GLI1: variants seen among roughly 807,000 people sequenced by gnomAD.
GLI1 encodes the protein GLI family zinc finger 1.
Under a neutral mutation model 87.8 loss-of-function variants are expected in GLI1, and 51 were observed. That is an observed-to-expected ratio of 0.58 (90% confidence interval 0.46 to 0.73). GLI1 has a LOEUF of 0.73. GLI1 is among the 30% of genes least tolerant of loss of function. The pLI is 0.00. For synonymous variants in GLI1, 528 were observed against 558.2 expected, an observed-to-expected ratio of 0.95 and a Z score of 0.76; for missense variants, 1,292 against 1,437.2, an observed-to-expected ratio of 0.90 and a Z score of 1.63.
chr12:57,464,362 C>T (rs1266056396), intron 3 of GLI1, among the ~76,000 whole-genome samples: 1 of 151,762 alleles, frequency 6.6e-6, no homozygotes, highest in Non-Finnish European at 1.5e-5. Context: ...TCTCTACTAA[C>T]AATACAAAAA....
chr12:57,467,745 C>T (rs1263022326), intron 9 of GLI1, among the ~76,000 whole-genome samples: 1 of 152,178 alleles, frequency 6.6e-6, no homozygotes, highest in African/African-American at 2.4e-5. Context: ...CCTGATCCCT[C>T]CAACCCCTGG....
intron 7 of GLI1, 129 bp from the exon 8 acceptor site, chr12:57,466,111 T>C (rs1200101366): frequency 1.8e-6 from 2 of 1,096,934 alleles, no homozygotes; most frequent in Middle Eastern, 2.1e-4. Context: ...ATGTGAGATA[T>C]GATATTGCTC....
At chr12:57,467,203 C>A in intron 8 of GLI1, 130 bp from the exon 9 acceptor site, 1 of 709,874 alleles carries the variant, frequency 1.4e-6, no homozygotes, top group Non-Finnish European at 2.2e-6. Context: ...TTTGGGAATT[C>A]TCTCGAAGCC....
Position 57,470,533 on chromosome 12 carries a change from G to C in GLI1, c.1793G>C (p.Gly598Ala), listed in dbSNP as rs376908129. The C allele has an allele frequency of 1.9e-5, 30 of 1,613,930 alleles. No individual in the cohort carries two copies. Among genetic ancestry groups the C allele is most frequent in the Admixed American group, 5.0e-5 (3 of 59,994 alleles). The change falls in exon 12 of 12, where the codon GGG (glycine) becomes GCG (alanine). Residue 598 changes from glycine (G) to alanine (A), a missense_variant. This residue lies in a region of GLI1 where 897 missense variants were observed against 1,040.7 expected (regional missense o/e 0.86). Transcript: ENST00000228682. ...LLRARYASARGGGTSPTAASS... is the reference protein window; with the variant it reads ...LLRARYASARAGGTSPTAASS... ...CGGGCAAGATATGCTTCAGCCAGAG[G>C]GGGTGGTACTTCGCCCACTGCAGCA...
chr12:57,472,204 C>A lies in GLI1; in HGVS notation c.*143C>A. ...CTGGGGGCTATGTATAGTCTGTATA[C>A]GTTTTGAGGAGAAATTTGATAATGA... On this transcript the variant is annotated 3_prime_UTR_variant, in exon 12 of 12. Coordinates refer to ENST00000228682, the MANE Select transcript of GLI1 (RefSeq NM_005269.3). 7.9e-6 allele frequency: 5 copies of A among 629,462 alleles called. No homozygotes were observed. Among genetic ancestry groups the A allele is most frequent in the Middle Eastern group, 4.4e-4 (1 of 2,296 alleles). 39.0% of individuals were successfully genotyped at this position (629,462 alleles called of 1,614,324 possible). A position where few individuals can be genotyped will look rare whatever the true frequency, so the allele number is the denominator to read the frequency against.
Position 57,469,484 on chromosome 12 carries a change from G to T in GLI1, c.1362G>T (p.Pro454=), listed in dbSNP as rs754004514. ...CATCCTGCAGCAGTGACCACTCCCC[G>T]GCAGGGAGTGCAGCCAATACAGACA... The part of the protein sequence containing the change: ...AQSSCSSDHS[P]AGSAANTDSG... Residue 454 remains proline, a synonymous_variant, in exon 11 of 12, where the codon CCG becomes CCT. Transcript: ENST00000228682. The T allele has an allele frequency of 6.2e-7, 1 of 1,614,046 alleles. No individual in the cohort carries two copies. Among genetic ancestry groups the T allele is most frequent in the East Asian group, 2.2e-5 (1 of 44,874 alleles).
intron 7 of GLI1, 109 bp from the exon 8 acceptor site, chr12:57,466,131 C>T (rs984989714): frequency 2.1e-5 from 26 of 1,232,878 alleles, no homozygotes; most frequent in Non-Finnish European, 2.9e-5. Flanking sequence ...CCTGCCTCTT[C>T]CTCCTTGAGG....
At chr12:57,466,940 TGTTCGTGGGCCTCTTAAA>T (rs1871528218) in intron 8 of GLI1, among the ~76,000 whole-genome samples, 1 of 152,066 alleles carries the variant, frequency 6.6e-6, no homozygotes. Flanking sequence ...CATTAAAACA[TGTTCGTGGGCCTCTTAAA>T]GTATTGTTGG....
At chr12:57,466,913 A>T (rs11832963) in intron 8 of GLI1, among the ~76,000 whole-genome samples, 9,367 of 151,774 alleles carry the variant, frequency 0.062, 629 homozygotes, top group African/African-American at 0.16. Context: ...CAAAAAAAAA[A>T]TTTTTTTTAA....
chr12:57,471,260 G>A lies in GLI1; in HGVS notation c.2520G>A (p.Gly840=), dbSNP rs549463047. Residue 840 remains glycine, a synonymous_variant, in exon 12 of 12, where the codon GGG becomes GGA. Transcript: ENST00000228682. The surrounding 1 kb of genome is among the most constrained non-coding windows in gnomAD (Gnocchi z 4.9). The part of the protein sequence containing the change: ...APCLNAHPSE[G]PPHPQPLFSH... ...GCCTCAATGCCCACCCCAGTGAGGG[G>A]CCCCCACATCCACAGCCTCTCTTTT... 6.2e-7 allele frequency: 1 copy of A among 1,600,218 alleles called. No homozygotes were observed.
At position 57,464,855 on chromosome 12, in the gene GLI1, A is replaced by G; in HGVS notation, c.376A>G (p.Ile126Val). 1 of 1,612,868 alleles carries G rather than the reference A, an allele frequency of 6.2e-7. No individual in the cohort carries two copies. The highest frequency in any genetic ancestry group is 1.1e-5 in the South Asian group (1 of 91,056). Residue 126 changes from isoleucine (I) to valine (V), a missense_variant, in exon 4 of 12, where the codon ATT becomes GTT. This residue lies in a region of GLI1 where 383 missense variants were observed against 368.4 expected (regional missense o/e 1.04). Coordinates refer to ENST00000228682, the MANE Select transcript of GLI1 (RefSeq NM_005269.3). ...SPGGSYGHLS[I>V]GTMSPSLGFP... ...AGGAGGCTCCTACGGTCATCTCTCC[A>G]TTGGCACCATGAGGTGCAGTCAGCC...
rs752715126 is a variant in GLI1 at position 57,472,090 on chromosome 12, C to T, written c.*29C>T. 5 of 1,412,454 alleles carry T rather than the reference C, an allele frequency of 3.5e-6. No individual in the cohort carries two copies. The highest frequency in any genetic ancestry group is 1.5e-5 in the South Asian group (1 of 67,898). The allele number at this position is 1,412,454 out of a possible 1,614,324, so 87.5% of individuals were successfully genotyped here. On this transcript the variant is annotated 3_prime_UTR_variant, in exon 12 of 12. Coordinates refer to ENST00000228682, the MANE Select transcript of GLI1 (RefSeq NM_005269.3). The stretch of plus-strand genomic sequence containing the variant: ...GTAGGGAATCTCATCCATCACAGAT[C>T]GCATTTCCTAAGGGGTTTCTATCCT...
chr12:57,471,098 C>T lies in GLI1; in HGVS notation c.2358C>T (p.His786=). The T allele has an allele frequency of 6.2e-7, 1 of 1,613,668 alleles. No homozygotes were observed. Among genetic ancestry groups the T allele is most frequent in the Non-Finnish European group, 8.5e-7 (1 of 1,179,838 alleles). Residue 786 remains histidine (H), a synonymous_variant, in exon 12 of 12, where the codon CAC becomes CAT. Coordinates refer to ENST00000228682, the MANE Select transcript of GLI1 (RefSeq NM_005269.3). This position sits in a 1 kb window ranked among gnomAD's most constrained non-coding sequence, Gnocchi z 4.9. The part of the protein sequence containing the change: ...TQETWGEFPS[H]SGLYPGPKAL... Reference sequence around the variant, plus strand: ...AAACATGGGGTGAGTTCCCTTCCCACTCTGGGCTGTACCCAGGCCCCAAGG... The same window carrying T: ...AAACATGGGGTGAGTTCCCTTCCCATTCTGGGCTGTACCCAGGCCCCAAGG...
chr12:57,466,199 C>T (rs2139855448), intron 7 of GLI1, 41 bp from the exon 8 acceptor site: 2 of 1,588,430 alleles, frequency 1.3e-6, no homozygotes, highest in South Asian at 2.3e-5. Flanking sequence ...ACCTCAGGGT[C>T]ATGGGAGAGC....
intron 1 of GLI1, among the ~76,000 whole-genome samples, chr12:57,462,406 A>G (rs1566557460): frequency 6.7e-6 from 1 of 149,650 alleles, no homozygotes; most frequent in African/African-American, 2.5e-5. Context: ...TCCCGGGATC[A>G]CCCACCGCGC....
intron 5 of GLI1, 151 bp downstream of exon 5, chr12:57,465,406 A>C (rs1871409362): frequency 1.3e-6 from 1 of 769,598 alleles, no homozygotes; most frequent in Admixed American, 2.8e-5. Context: ...CACTCCTTGC[A>C]GTTGAGTCAG....
Position 57,469,607 on chromosome 12 carries a change from T to C in GLI1, c.1485T>C (p.Leu495=), listed in dbSNP as rs201902084. ...TTGCTGGCACTGGTCTGTCCACTCT[T>C]CGCCGCCTTGAGAACCTCAGGCTGG... ...PCIAGTGLST[L]RRLENLRLDQ... Residue 495 remains leucine, a synonymous_variant, in exon 11 of 12, where the codon CTT becomes CTC. Transcript: ENST00000228682. 2.9e-5 allele frequency: 47 copies of C among 1,614,138 alleles called. No homozygotes were observed. The East Asian group carries it at 6.9e-4, about 24-fold the overall frequency.
chr12:57,468,071 A>G lies in GLI1; in HGVS notation c.1155A>G (p.Thr385=). ...DPSSLRKHVK[T]VHGPDAHVTK... ...GCTCGCTGCGAAAACATGTCAAGAC[A>G]GTGCATGGTCCTGACGCCCATGTGA... is the stretch of plus-strand genomic sequence containing the variant. Residue 385 remains threonine, a synonymous_variant, in exon 10 of 12, where the codon ACA becomes ACG. Transcript: ENST00000228682. 6.2e-7 allele frequency: 1 copy of G among 1,614,166 alleles called. No individual in the cohort carries two copies. The highest frequency in any genetic ancestry group is 8.5e-7 in the Non-Finnish European group (1 of 1,179,960).
chr12:57,470,536 G>C lies in GLI1; in HGVS notation c.1796G>C (p.Gly599Ala). The C allele has an allele frequency of 6.2e-7, 1 of 1,614,094 alleles. No individual in the cohort carries two copies. Among genetic ancestry groups the C allele is most frequent in the Non-Finnish European group, 8.5e-7 (1 of 1,179,984 alleles). The stretch of plus-strand genomic sequence containing the variant: ...GCAAGATATGCTTCAGCCAGAGGGG[G>C]TGGTACTTCGCCCACTGCAGCATCC... ...LRARYASARG[G>A]GTSPTAASSL... Residue 599 changes from glycine (G) to alanine (A), a missense_variant, in exon 12 of 12, where the codon GGT becomes GCT. By Grantham distance (60) the Gly-to-Ala change is moderately conservative. Transcript: ENST00000228682.
Sources: gnomAD v4.1 joint callset for allele counts (sites outside exome capture counted in the v4.1 genomes callset) on GRCh38, gnomAD v4.1.1 for gene constraint, gnomAD v4.1.1 regional missense constraint, Gnocchi (gnomAD v3.1) non-coding constraint, MANE v1.5 for transcripts, NCBI Gene and HGNC (gene_info 2026-07-23, HGNC 2026-07-21) for gene names.